The following ZNF829 variants were observed in gnomAD, a reference collection of about 807,000 sequenced individuals.
ZNF829 encodes zinc finger protein 829.
A neutral mutation model predicts 35.2 loss-of-function variants in ZNF829; 25 were observed. The ratio of observed to expected loss-of-function variants is 0.71; its 90% CI spans 0.52 to 0.99. ZNF829 has a LOEUF of 0.99. ZNF829 is among the 50% of genes least tolerant of loss of function. The pLI is 0.00. For synonymous variants in ZNF829, 136 were observed against 163.2 expected, an observed-to-expected ratio of 0.83 and a Z score of 1.27; for missense variants, 417 against 515.3, an observed-to-expected ratio of 0.81 and a Z score of 1.85.
At chr19:36,902,979 T>C (rs897380470) in intron 5 of ZNF829, among the ~76,000 whole-genome samples, 1 of 151,974 alleles carries the variant, frequency 6.6e-6, no homozygotes, top group African/African-American at 2.4e-5. Context: ...GAGGTTGTAG[T>C]GAGCCGAGAT....
chr19:36,899,915 T>TA (rs930101510), intron 5 of ZNF829, among the ~76,000 whole-genome samples: 3 of 151,910 alleles, frequency 2.0e-5, no homozygotes, highest in African/African-American at 7.3e-5. Flanking sequence ...AATTTTTTTT[T>TA]AAACACATAT....
chr19:36,902,175 A>AG, intron 5 of ZNF829: 1 of 256,866 alleles, frequency 3.9e-6, no homozygotes, highest in Non-Finnish European at 7.4e-6. Context: ...AAAAGAAAAA[A>AG]AAAAACAAGT....
At chr19:36,914,806 T>C (rs1267064737) in intron 3 of ZNF829, among the ~76,000 whole-genome samples, 159 bp downstream of exon 3, 1 of 152,200 alleles carries the variant, frequency 6.6e-6, no homozygotes, top group African/African-American at 2.4e-5. Flanking sequence ...TAATCATCCT[T>C]TTATTTTTAA....
intron 5 of ZNF829, among the ~76,000 whole-genome samples, chr19:36,895,438 C>A (rs1198390892): frequency 2.6e-5 from 4 of 151,812 alleles, no homozygotes; most frequent in African/African-American, 9.7e-5. Flanking sequence ...ACCACCAAAC[C>A]AAATGATAAG....
At chr19:36,908,200 A>G (rs2073234719) in intron 4 of ZNF829, 133 bp downstream of exon 4, 2 of 1,360,866 alleles carry the variant, frequency 1.5e-6, no homozygotes, top group Admixed American at 4.5e-5. Context: ...CTTCCATTCT[A>G]TTTTAACTCA....
intron 5 of ZNF829, among the ~76,000 whole-genome samples, chr19:36,902,858 A>G (rs2073182158): frequency 6.6e-6 from 1 of 152,084 alleles, no homozygotes; most frequent in Non-Finnish European, 1.5e-5. Flanking sequence ...CAACATGGTG[A>G]AACCCCGTCT....
At chr19:36,901,975 G>T (rs988392672) in intron 5 of ZNF829, 12 of 744,916 alleles carry the variant, frequency 1.6e-5, no homozygotes, top group Non-Finnish European at 2.7e-5. Flanking sequence ...AAGGAATAAG[G>T]AATGTCCCAT....
chr19:36,892,795 A>AT, intron 5 of ZNF829: 2 of 573,450 alleles, frequency 3.5e-6, no homozygotes, highest in African/African-American at 3.9e-5. Context: ...AAAAAAAAAA[A>AT]ATTTTTTTTG....
At position 36,916,013 on chromosome 19, in the gene ZNF829, C is replaced by G; in HGVS notation, c.-87G>C. 1 of 1,328,960 alleles carries G rather than the reference C, an allele frequency of 7.5e-7. No homozygotes were observed. The highest frequency in any genetic ancestry group is 1.0e-6 in the Non-Finnish European group (1 of 981,480). The allele number at this position is 1,328,960 out of a possible 1,614,324, so 82.3% of individuals were successfully genotyped here. On this transcript the variant is annotated splice_region_variant and 5_prime_UTR_variant, in exon 1 of 6. Transcript: ENST00000391711. The surrounding 1 kb of genome is among the most constrained non-coding windows in gnomAD (Gnocchi z 5.3). Reference sequence around the variant, plus strand: ...TCCTGGGGACCAAAATATCTCACCTCCCAGATCTAAGGGTCCCGCCAGGAG... The same window carrying G: ...TCCTGGGGACCAAAATATCTCACCTGCCAGATCTAAGGGTCCCGCCAGGAG...
At chr19:36,898,977 A>G (rs997320114) in intron 5 of ZNF829, among the ~76,000 whole-genome samples, 3 of 152,220 alleles carry the variant, frequency 2.0e-5, no homozygotes, top group Admixed American at 6.5e-5. Context: ...GATATTTTCA[A>G]TAAGGGGCAA....
At chr19:36,905,733 C>T (rs1403027340) in intron 5 of ZNF829, 2 of 152,100 alleles carry the variant, frequency 1.3e-5, no homozygotes, top group African/African-American at 2.4e-5. Context: ...CCACTGCGCC[C>T]GGCCTAATAC....
chr19:36,913,987 A>G lies in ZNF829; in HGVS notation c.96+978T>C, dbSNP rs149720761. ...AGACACTAGGTATATTTGAAGACCA[A>G]TGAGAACACAATAGACCTTCCAATA... On this transcript the variant is annotated intron_variant, in intron 3 of 5. Transcript: ENST00000391711. Among the ~76,000 whole-genome samples the G allele has an allele frequency of 2.4e-3, 366 of 152,302 alleles. 2 individuals are homozygous for G. The highest frequency in any genetic ancestry group is 8.4e-3 in the African/African-American group (350 of 41,566).
chr19:36,895,490 G>A (rs1266534365), intron 5 of ZNF829, among the ~76,000 whole-genome samples: 1 of 152,098 alleles, frequency 6.6e-6, no homozygotes, highest in East Asian at 1.9e-4. Context: ...AAAATTAACA[G>A]ATTAGGAATA....
At chr19:36,896,809 T>G (rs1261482879) in intron 5 of ZNF829, among the ~76,000 whole-genome samples, 1 of 152,132 alleles carries the variant, frequency 6.6e-6, no homozygotes, top group Non-Finnish European at 1.5e-5. Context: ...TAGAAATCAA[T>G]AACAAAAACT....
intron 5 of ZNF829, chr19:36,905,480 C>G (rs1038906067): frequency 6.6e-5 from 10 of 151,750 alleles, no homozygotes; most frequent in African/African-American, 2.4e-4. Context: ...TCTTGTCCCC[C>G]AGGCTGGAGT....
chr19:36,894,403 C>G (rs2073092221), intron 5 of ZNF829, among the ~76,000 whole-genome samples: 1 of 152,040 alleles, frequency 6.6e-6, no homozygotes, highest in Non-Finnish European at 1.5e-5. Context: ...AAGCATGGAA[C>G]CATGACATCT....
chr19:36,904,592 GT>G (rs2073200081), intron 5 of ZNF829, among the ~76,000 whole-genome samples: 1 of 152,024 alleles, frequency 6.6e-6, no homozygotes, highest in African/African-American at 2.4e-5. Context: ...TAGAGACGGG[GT>G]TTTGCCATGT....
Position 36,902,000 on chromosome 19 carries a change from C to T in ZNF829, c.319+5929G>A, listed in dbSNP as rs1056902347. The stretch of plus-strand genomic sequence containing the variant: ...GAATGTCCCATAACGAATCCATGTG[C>T]GGTTGTCCAGAATACGTAATGGGGA... On this transcript the variant is annotated intron_variant, in intron 5 of 5. Transcript: ENST00000391711. The T allele has an allele frequency of 4.4e-5, 31 of 711,060 alleles. No homozygotes were observed. The African/African-American group carries it at 5.2e-4, about 12-fold the overall frequency. 44.0% of individuals were successfully genotyped at this position (711,060 alleles called of 1,614,324 possible). A position where few individuals can be genotyped will look rare whatever the true frequency, so the allele number is the denominator to read the frequency against.
At chr19:36,902,057 G>C in intron 5 of ZNF829, 1 of 527,054 alleles carries the variant, frequency 1.9e-6, no homozygotes, top group Non-Finnish European at 3.5e-6. Flanking sequence ...CTATACTTTG[G>C]TTATCTATGT....
Sources: allele counts gnomAD v4.1 joint callset (sites outside exome capture counted in the v4.1 genomes callset), GRCh38; gene constraint gnomAD v4.1.1; non-coding constraint Gnocchi (gnomAD v3.1); transcripts MANE v1.5; gene names NCBI Gene and HGNC (gene_info 2026-07-23, HGNC 2026-07-21).